The following NOL4 variants were observed in gnomAD, a reference collection of about 807,000 sequenced individuals.
NOL4 encodes the protein cancer/testis antigen 125.
Under a neutral mutation model 75.9 loss-of-function variants are expected in NOL4, and 17 were observed. That is an observed-to-expected ratio of 0.22 (90% CI 0.15 to 0.34). NOL4 has a LOEUF of 0.34. NOL4 is among the 10% of genes least tolerant of loss of function. The pLI, the probability that NOL4 is intolerant of heterozygous loss-of-function variation, is 1.00. For missense variants in NOL4, 614 were observed against 793.5 expected, an observed-to-expected ratio of 0.77 and a Z score of 2.72; for synonymous variants, 292 against 289.9, an observed-to-expected ratio of 1.01 and a Z score of -0.07.
At chr18:34,169,985 T>A (rs1157958194) in intron 1 of NOL4, among the ~76,000 whole-genome samples, 1 of 152,178 alleles carries the variant, frequency 6.6e-6, no homozygotes, top group African/African-American at 2.4e-5. Context: ...GTTTCTTCCA[T>A]TTAACTGCCA....
At position 34,198,972 on chromosome 18, in the gene NOL4, C is replaced by T. The variant is rs188089503; in HGVS notation, c.264+24018G>A. Among the ~76,000 whole-genome samples, 4 of 151,818 alleles carry T rather than the reference C, an allele frequency of 2.6e-5. No individual in the cohort carries two copies. The East Asian group carries it at 7.7e-4, about 29-fold the overall frequency. On this transcript the variant is annotated intron_variant, in intron 1 of 10. Coordinates refer to ENST00000261592, the MANE Select transcript of NOL4 (RefSeq NM_003787.5). ...TTTTGTAAAAGCTTCTGTCAGTCAC[C>T]CTCAGATGCTACCACCTATTATTCA...
At chr18:33,895,833 G>T (rs2065368019) in intron 9 of NOL4, among the ~76,000 whole-genome samples, 1 of 151,992 alleles carries the variant, frequency 6.6e-6, no homozygotes, top group Non-Finnish European at 1.5e-5. Context: ...AAAAAATAAA[G>T]CACATCCGAT....
At chr18:33,890,414 A>G (rs2065025406) in intron 9 of NOL4, among the ~76,000 whole-genome samples, 1 of 152,154 alleles carries the variant, frequency 6.6e-6, no homozygotes, top group Non-Finnish European at 1.5e-5. Flanking sequence ...GCTCATGGAT[A>G]CGAAGAATCA....
At chr18:34,039,358 G>C (rs2076045594) in intron 5 of NOL4, among the ~76,000 whole-genome samples, 1 of 151,628 alleles carries the variant, frequency 6.6e-6, no homozygotes, top group Admixed American at 6.6e-5. Context: ...TTTTTCCCCT[G>C]CAAATTCCAC....
intron 6 of NOL4, among the ~76,000 whole-genome samples, chr18:33,970,171 T>C (rs189637247): frequency 2.4e-4 from 36 of 152,196 alleles, no homozygotes; most frequent in Non-Finnish European, 4.1e-4. Context: ...CAAATAAGTA[T>C]AGCCATTATG....
intron 5 of NOL4, among the ~76,000 whole-genome samples, chr18:34,082,334 A>G (rs999049430): frequency 6.6e-6 from 1 of 152,064 alleles, no homozygotes; most frequent in African/African-American, 2.4e-5. Flanking sequence ...TAGGCTAGTA[A>G]ATTAGCCTCC....
intron 10 of NOL4, among the ~76,000 whole-genome samples, chr18:33,859,208 T>C (rs1476073847): frequency 2.6e-5 from 4 of 152,106 alleles, no homozygotes; most frequent in African/African-American, 9.6e-5. Flanking sequence ...TTTTTTCTAA[T>C]GTGTATGCCA....
chr18:34,136,039 A>C lies in NOL4; in HGVS notation c.265-6019T>G, dbSNP rs2080877602. ...ATGCAAGGTTAGTTTAATACAATGA[A>C]ATGAATTAATTTAATATATCATATT... On this transcript the variant is annotated intron_variant, in intron 1 of 10. Transcript: ENST00000261592. Among the ~76,000 whole-genome samples the C allele has an allele frequency of 2.6e-5, 4 of 152,284 alleles. No homozygotes were observed. The East Asian group carries it at 7.7e-4, about 29-fold the overall frequency.
At chr18:33,870,732 A>G (rs1287566564) in intron 10 of NOL4, among the ~76,000 whole-genome samples, 5 of 152,070 alleles carry the variant, frequency 3.3e-5, no homozygotes, top group Non-Finnish European at 7.4e-5. Flanking sequence ...TATTGTCCCA[A>G]ATAACACAAA....
At chr18:34,018,767 T>C (rs1050174349) in intron 6 of NOL4, among the ~76,000 whole-genome samples, 1 of 152,216 alleles carries the variant, frequency 6.6e-6, no homozygotes, top group Non-Finnish European at 1.5e-5. Flanking sequence ...TTGTCTTTTG[T>C]ATGATATAAT....
intron 5 of NOL4, among the ~76,000 whole-genome samples, chr18:34,031,310 T>G (rs2075629643): frequency 1.3e-5 from 2 of 152,312 alleles, no homozygotes; most frequent in Middle Eastern, 3.4e-3. Flanking sequence ...TAATTTATCA[T>G]GGACAACCAA....
rs1478633027 is a variant in NOL4, at chr18:33,852,156, T to C, written c.*686A>G. Reference sequence around the variant, plus strand: ...TTGGAAGTAGTTCCTGATGTGACGATTGAAAGAACGTAGGCAAGGGTTTTT... The same window carrying C: ...TTGGAAGTAGTTCCTGATGTGACGACTGAAAGAACGTAGGCAAGGGTTTTT... On this transcript the variant is annotated 3_prime_UTR_variant, in exon 11 of 11. Coordinates refer to ENST00000261592, the MANE Select transcript of NOL4 (RefSeq NM_003787.5). 1.3e-5 allele frequency: 2 copies of C among 152,512 alleles called. No individual in the cohort carries two copies. Among genetic ancestry groups the C allele is most frequent in the African/African-American group, 4.8e-5 (2 of 41,414 alleles). 9.4% of individuals were successfully genotyped at this position (152,512 alleles called of 1,614,324 possible).
At chr18:34,021,363 G>A (rs2075028055) in intron 5 of NOL4, among the ~76,000 whole-genome samples, 2 of 152,104 alleles carry the variant, frequency 1.3e-5, no homozygotes, top group Admixed American at 1.3e-4. Context: ...CTCTATAGAG[G>A]GATCAGCACG....
intron 10 of NOL4, among the ~76,000 whole-genome samples, chr18:33,882,567 A>G (rs1398774829): frequency 6.7e-6 from 1 of 150,120 alleles, no homozygotes; most frequent in Non-Finnish European, 1.5e-5. Context: ...CAGGTGCTGG[A>G]GAGGATGTGG....
chr18:34,175,495 A>G (rs1039740452), intron 1 of NOL4, among the ~76,000 whole-genome samples: 7 of 152,198 alleles, frequency 4.6e-5, no homozygotes, highest in Non-Finnish European at 8.8e-5. Context: ...AGGAATCCAG[A>G]TGACCACACA....
intron 1 of NOL4, among the ~76,000 whole-genome samples, chr18:34,210,608 A>G (rs1246481577): frequency 6.6e-6 from 1 of 152,214 alleles, no homozygotes; most frequent in Non-Finnish European, 1.5e-5. Flanking sequence ...GTTATACAGA[A>G]GAAAGAGAAA....
intron 8 of NOL4, among the ~76,000 whole-genome samples, chr18:33,946,753 T>C (rs187836392): frequency 0.01 from 1,537 of 151,890 alleles, 23 homozygotes; most frequent in South Asian, 0.06. Context: ...TTATGAAATT[T>C]ATGATCTTCA....
intron 1 of NOL4, among the ~76,000 whole-genome samples, chr18:34,216,586 C>A (rs1244556592): frequency 6.7e-6 from 1 of 150,098 alleles, no homozygotes; most frequent in Non-Finnish European, 1.5e-5. Flanking sequence ...ATCAACAACC[C>A]TGACAACACA....
chr18:33,985,399 T>C (rs1481208095), intron 6 of NOL4, among the ~76,000 whole-genome samples: 13 of 152,132 alleles, frequency 8.5e-5, no homozygotes, highest in Admixed American at 8.5e-4. Context: ...ATTTCCAGTA[T>C]TTTGATTACA....
Sources: allele counts gnomAD v4.1 joint callset (sites outside exome capture counted in the v4.1 genomes callset), GRCh38; gene constraint gnomAD v4.1.1; transcripts MANE v1.5; gene names NCBI Gene and HGNC (gene_info 2026-07-23, HGNC 2026-07-21).